The following LATS2 variants were observed in gnomAD, a reference collection of about 807,000 sequenced individuals.
LATS2 encodes large tumor suppressor kinase 2, also known as serine/threonine-protein kinase LATS2.
LATS2 carries 24 observed loss-of-function variants against 76.0 expected under a neutral mutation model. The observed-to-expected ratio is 0.32, with a 90% CI of 0.23 to 0.44. The LOEUF (loss-of-function observed/expected upper bound fraction) is 0.44. LATS2 is among the 20% of genes least tolerant of loss of function. The pLI, the probability that LATS2 is intolerant of heterozygous loss-of-function variation, is 1.00. For synonymous variants in LATS2, 692 were observed against 635.4 expected (o/e 1.09, Z -1.34); for missense variants, 1,286 against 1,481.2 (o/e 0.87, Z 2.16).
At chr13:21,058,591 T>TA (rs1873524382) in intron 1 of LATS2, among the ~76,000 whole-genome samples, 1 of 152,240 alleles carries the variant, frequency 6.6e-6, no homozygotes. Flanking sequence ...AATTTACACT[T>TA]AAACTATTTC....
At chr13:21,018,389 G>C (rs1183785061) in intron 2 of LATS2, among the ~76,000 whole-genome samples, 1 of 151,956 alleles carries the variant, frequency 6.6e-6, no homozygotes, top group East Asian at 1.9e-4. Flanking sequence ...AGGAGACAAG[G>C]GTTGACATGG....
Position 21,055,853 on chromosome 13 carries a change from C to G in LATS2, c.-205+5493G>C, listed in dbSNP as rs147389119. On this transcript the variant is annotated intron_variant, in intron 1 of 7. Coordinates refer to ENST00000382592, the MANE Select transcript of LATS2 (RefSeq NM_014572.3). ...AACTAAATCAGGCAGACGGGCCAGG[C>G]CTCCAGCCAGATGCTAAATGTCAGA... 6.1e-4 allele frequency among the ~76,000 whole-genome samples: 93 copies of G among 152,356 alleles called. 2 individuals carry two copies. The highest frequency in any genetic ancestry group is 2.0e-3 in the African/African-American group (82 of 41,574).
At chr13:21,036,645 T>C (rs896315754) in intron 2 of LATS2, among the ~76,000 whole-genome samples, 2 of 151,912 alleles carry the variant, frequency 1.3e-5, no homozygotes, top group African/African-American at 4.8e-5. Context: ...TGGTGGCGCG[T>C]GCCTGTAATC....
chr13:21,056,635 C>T (rs564341761), intron 1 of LATS2, among the ~76,000 whole-genome samples: 1 of 152,306 alleles, frequency 6.6e-6, no homozygotes, highest in South Asian at 2.1e-4. Flanking sequence ...GCCTTGCCTC[C>T]TCTGCACCCC....
chr13:21,002,985 G>T (rs925064627), intron 2 of LATS2, among the ~76,000 whole-genome samples: 19 of 152,138 alleles, frequency 1.2e-4, no homozygotes, highest in African/African-American at 4.3e-4. Context: ...TTATAGGCAT[G>T]AGTCACTGCA....
chr13:21,017,048 A>C (rs1871828159), intron 2 of LATS2, among the ~76,000 whole-genome samples: 1 of 152,218 alleles, frequency 6.6e-6, no homozygotes, highest in Non-Finnish European at 1.5e-5. Flanking sequence ...CCGGAAACAA[A>C]TTCATCTTCA....
intron 2 of LATS2, among the ~76,000 whole-genome samples, chr13:21,024,523 G>A (rs956484925): frequency 6.6e-6 from 1 of 151,536 alleles, no homozygotes; most frequent in African/African-American, 2.4e-5. Flanking sequence ...GGCGGTTCTC[G>A]CCAGGGCATA....
chr13:20,997,574 G>C (rs1182280609), intron 2 of LATS2, among the ~76,000 whole-genome samples: 1 of 152,186 alleles, frequency 6.6e-6, no homozygotes, highest in Non-Finnish European at 1.5e-5. Flanking sequence ...ACCATTTAAT[G>C]ATCTTCTCTG....
At chr13:21,012,384 C>G (rs1324769377) in intron 2 of LATS2, among the ~76,000 whole-genome samples, 1 of 152,120 alleles carries the variant, frequency 6.6e-6, no homozygotes, top group African/African-American at 2.4e-5. Flanking sequence ...CCAACATAAA[C>G]CACACATGCG....
At chr13:21,020,412 C>T (rs890433262) in intron 2 of LATS2, among the ~76,000 whole-genome samples, 4 of 152,220 alleles carry the variant, frequency 2.6e-5, no homozygotes, top group Non-Finnish European at 4.4e-5. Context: ...AAAGCCTCAC[C>T]GCACTGCCTC....
At chr13:21,019,485 C>A (rs1428650252) in intron 2 of LATS2, among the ~76,000 whole-genome samples, 2 of 130,792 alleles carry the variant, frequency 1.5e-5, no homozygotes, top group Non-Finnish European at 3.2e-5. Context: ...CGCCACCACG[C>A]CCAGCTAATT....
rs1872165512 is a variant in LATS2 at position 21,023,647 on chromosome 13, A to AAC, written c.342+22037_342+22038insGT. ...TGACACATTTTCTATGACTGGCTTT[A>AAC]AAAAAAAAAAAAAAAAAAAAAAAAA... On this transcript the variant is annotated intron_variant, in intron 2 of 7. Transcript: ENST00000382592. 1.2e-3 allele frequency among the ~76,000 whole-genome samples: 3 copies of AAC among 2,564 alleles called. 1 individual carries two copies. The highest frequency in any genetic ancestry group is 1.8e-3 in the African/African-American group (3 of 1,714). 1.7% of individuals were successfully genotyped at this position (2,564 alleles called of 152,430 possible). A position where few individuals can be genotyped will look rare whatever the true frequency, so the allele number is the denominator to read the frequency against.
At chr13:21,048,862 AT>A (rs1873165254) in intron 1 of LATS2, among the ~76,000 whole-genome samples, 1 of 151,928 alleles carries the variant, frequency 6.6e-6, no homozygotes, top group Non-Finnish European at 1.5e-5. Context: ...AAAAATAAAA[AT>A]AAAAATAAAA....
At chr13:20,994,980 G>T (rs1467466963) in intron 2 of LATS2, among the ~76,000 whole-genome samples, 5 of 152,114 alleles carry the variant, frequency 3.3e-5, no homozygotes, top group Non-Finnish European at 5.9e-5. Context: ...AGTGGTACAG[G>T]GCGCAGATAG....
At chr13:21,031,399 A>G (rs1208125668) in intron 2 of LATS2, among the ~76,000 whole-genome samples, 2 of 152,106 alleles carry the variant, frequency 1.3e-5, no homozygotes, top group African/African-American at 4.8e-5. Context: ...TGATTTTTGG[A>G]TTGGGTAATT....
chr13:21,036,144 C>T (rs1377053252), intron 2 of LATS2, among the ~76,000 whole-genome samples: 1 of 152,138 alleles, frequency 6.6e-6, no homozygotes, highest in African/African-American at 2.4e-5. Flanking sequence ...GATCCACCCC[C>T]CTCAGCCTCC....
At chr13:21,035,948 G>A (rs924030941) in intron 2 of LATS2, among the ~76,000 whole-genome samples, 1 of 152,210 alleles carries the variant, frequency 6.6e-6, no homozygotes, top group African/African-American at 2.4e-5. Flanking sequence ...GCCCAGGCTG[G>A]AGTGCAGTGG....
chr13:20,993,035 C>CAAAAAA (rs551359225), intron 2 of LATS2, among the ~76,000 whole-genome samples: 4 of 88,974 alleles, frequency 4.5e-5, no homozygotes, highest in African/African-American at 1.6e-4. Context: ...ACTCCATCTC[C>CAAAAAA]AAAAAAAAAA....
intron 2 of LATS2, among the ~76,000 whole-genome samples, chr13:21,004,468 G>T (rs1871184080): frequency 6.6e-6 from 1 of 152,124 alleles, no homozygotes; most frequent in South Asian, 2.1e-4. Context: ...TAATGCAAGG[G>T]AGAATCAAAT....
Sources: gnomAD v4.1 joint callset for allele counts (sites outside exome capture counted in the v4.1 genomes callset) on GRCh38, gnomAD v4.1.1 for gene constraint, MANE v1.5 for transcripts, NCBI Gene and HGNC (gene_info 2026-07-23, HGNC 2026-07-21) for gene names.